NACC2: variants seen among roughly 807,000 people sequenced by gnomAD.
NACC2 encodes the protein NACC family member 2.
Under a neutral mutation model 25.1 loss-of-function variants are expected in NACC2, and 8 were observed. The observed-to-expected ratio is 0.32, with a 90% CI of 0.19 to 0.57. NACC2 has a LOEUF of 0.57. NACC2 is among the 20% of genes least tolerant of loss of function. The probability of loss-of-function intolerance (pLI) is 0.89; values close to 1 mark genes in which losing one functional copy is unlikely to be tolerated. For synonymous variants in NACC2, 435 were observed against 294.7 expected (o/e 1.48, Z -4.88); for missense variants, 644 against 650.2 (o/e 0.99, Z 0.10).
intron 1 of NACC2, among the ~76,000 whole-genome samples, chr9:136,062,699 G>A (rs1327391123): frequency 1.3e-5 from 2 of 152,204 alleles, no homozygotes; most frequent in Non-Finnish European, 2.9e-5. Flanking sequence ...TGGACTGCTT[G>A]AGCCCAGCAG....
chr9:136,077,034 G>C (rs1830270055), intron 1 of NACC2, among the ~76,000 whole-genome samples: 1 of 151,044 alleles, frequency 6.6e-6, no homozygotes, highest in African/African-American at 2.4e-5. Context: ...AAATAAAATA[G>C]CCGGGTGTGG....
chr9:136,007,078 CTTAG>C lies in NACC2; in HGVS notation c.*4434_*4437del, dbSNP rs1399944779. On this transcript the variant is annotated 3_prime_UTR_variant, in exon 6 of 6. Transcript: ENST00000277554. The stretch of plus-strand genomic sequence containing the variant: ...GTCAAAAATATTTATACATTTTATA[CTTAG>C]TTCTTTTTTTTGTCTGCTAAAAATA... 1.3e-5 allele frequency: 2 copies of C among 154,338 alleles called. No homozygotes were observed. Among genetic ancestry groups the C allele is most frequent in the African/African-American group, 4.8e-5 (2 of 41,522 alleles). 9.6% of individuals were successfully genotyped at this position (154,338 alleles called of 1,614,324 possible). A position where few individuals can be genotyped will look rare whatever the true frequency, so the allele number is the denominator to read the frequency against.
chr9:136,067,415 C>T (rs1841098161), intron 1 of NACC2, among the ~76,000 whole-genome samples: 3 of 152,146 alleles, frequency 2.0e-5, no homozygotes, highest in Admixed American at 2.0e-4. Context: ...GGTTGCATAA[C>T]TCTGAATACA....
chr9:136,025,712 G>A (rs1254679108), intron 2 of NACC2, among the ~76,000 whole-genome samples: 2 of 151,746 alleles, frequency 1.3e-5, no homozygotes, highest in Admixed American at 6.6e-5. Flanking sequence ...TTAGGAGTTC[G>A]AGACAGCCTG....
At chr9:136,079,422 G>A (rs1830298149) in intron 1 of NACC2, among the ~76,000 whole-genome samples, 1 of 152,206 alleles carries the variant, frequency 6.6e-6, no homozygotes. Context: ...GACTCCGGGG[G>A]CCCTGCAGGT....
intron 2 of NACC2, among the ~76,000 whole-genome samples, chr9:136,045,359 C>G (rs1246864538): frequency 1.0e-3 from 127 of 122,138 alleles, no homozygotes; most frequent in Non-Finnish European, 1.6e-3. Context: ...GTTACCGTCA[C>G]GGGCCCACGG....
intron 1 of NACC2, among the ~76,000 whole-genome samples, chr9:136,069,978 C>T (rs1564238357): frequency 6.6e-6 from 1 of 151,884 alleles, no homozygotes; most frequent in Non-Finnish European, 1.5e-5. Flanking sequence ...GAACTCTCCA[C>T]TCAACAACAG....
Position 136,050,167 on chromosome 9 carries a change from G to T in NACC2, c.355C>A (p.Leu119Ile). 1 of 770,430 alleles carries T rather than the reference G, an allele frequency of 1.3e-6. No individual in the cohort carries two copies. 47.7% of individuals were successfully genotyped at this position (770,430 alleles called of 1,614,324 possible). The part of the protein sequence containing the change: ...IQHIVERGTD[L>I]MFKVSSPHCD... Reference sequence around the variant, plus strand: ...TGGGGCGAGCTCACCTTGAACATGAGGTCGGTGCCGCGCTCCACGATGTGC... The same window carrying T: ...TGGGGCGAGCTCACCTTGAACATGATGTCGGTGCCGCGCTCCACGATGTGC... The change falls in exon 2 of 6, where the codon CTC becomes ATC. Residue 119 changes from leucine (L) to isoleucine (I), a missense_variant. Coordinates refer to ENST00000277554, the MANE Select transcript of NACC2 (RefSeq NM_144653.5).
At chr9:136,049,120 TGAAA>T in intron 2 of NACC2, among the ~76,000 whole-genome samples, 1 of 152,090 alleles carries the variant, frequency 6.6e-6, no homozygotes, top group East Asian at 1.9e-4. Context: ...CAGCCCTCCT[TGAAA>T]GAAAGGAACG....
rs1229032693 is a variant in NACC2 at position 136,049,740 on chromosome 9, G to A, written c.782C>T (p.Thr261Ile). ...ASSLPTTDSP[T>I]SYHNEEDEED... Reference sequence around the variant, plus strand: ...CTCGTCCTCCTCGTTGTGGTACGAGGTGGGGCTGTCGGTGGTGGGCAGGCT... The same window carrying A: ...CTCGTCCTCCTCGTTGTGGTACGAGATGGGGCTGTCGGTGGTGGGCAGGCT... The change falls in exon 2 of 6, where the codon ACC becomes ATC. Residue 261 changes from threonine to isoleucine, a missense_variant. By Grantham distance (89) the Thr-to-Ile change is moderately conservative. Transcript: ENST00000277554. 2 of 778,922 alleles carry A rather than the reference G, an allele frequency of 2.6e-6. No homozygotes were observed. Among genetic ancestry groups the A allele is most frequent in the Non-Finnish European group, 2.4e-6 (1 of 417,472 alleles). The allele number at this position is 778,922 out of a possible 1,614,324, so 48.3% of individuals were successfully genotyped here.
chr9:136,067,083 C>T (rs146696749), intron 1 of NACC2, among the ~76,000 whole-genome samples: 5,189 of 152,054 alleles, frequency 0.034, 297 homozygotes, highest in African/African-American at 0.12. Context: ...GTCGAAACCC[C>T]GTCTCTACTA....
intron 2 of NACC2, among the ~76,000 whole-genome samples, chr9:136,042,747 G>A (rs1464319722): frequency 3.5e-5 from 5 of 143,834 alleles, no homozygotes; most frequent in Admixed American, 1.4e-4. Flanking sequence ...CACAGACACA[G>A]AGACAGAGAC....
At chr9:136,062,166 AC>A (rs879745179) in intron 1 of NACC2, among the ~76,000 whole-genome samples, 5,384 of 145,262 alleles carry the variant, frequency 0.037, 138 homozygotes, top group Admixed American at 0.074. Context: ...ACAGGACAGG[AC>A]AGGACAGGAA....
intron 1 of NACC2, among the ~76,000 whole-genome samples, chr9:136,062,197 A>C (rs1841023436): frequency 6.6e-6 from 1 of 151,984 alleles, no homozygotes; most frequent in South Asian, 2.1e-4. Flanking sequence ...AGAGAAAAGA[A>C]AGAAAGAAAA....
intron 1 of NACC2, among the ~76,000 whole-genome samples, chr9:136,059,045 G>T (rs1418415206): frequency 6.6e-6 from 1 of 152,212 alleles, no homozygotes; most frequent in Non-Finnish European, 1.5e-5. Context: ...AAGGTGCTGG[G>T]TCAGGGGCAG....
intron 2 of NACC2, among the ~76,000 whole-genome samples, chr9:136,046,191 G>A (rs1355878327): frequency 6.6e-6 from 1 of 152,206 alleles, no homozygotes; most frequent in Non-Finnish European, 1.5e-5. Flanking sequence ...GGGGCGGGAA[G>A]GGATGGGGGT....
At chr9:136,049,171 C>A (rs1840775146) in intron 2 of NACC2, among the ~76,000 whole-genome samples, 1 of 152,238 alleles carries the variant, frequency 6.6e-6, no homozygotes, top group Admixed American at 6.5e-5. Flanking sequence ...CGGCTCAGCA[C>A]ACTGGGCGCT....
intron 1 of NACC2, among the ~76,000 whole-genome samples, chr9:136,059,028 T>C (rs556113144): frequency 2.0e-5 from 3 of 152,184 alleles, no homozygotes; most frequent in South Asian, 2.1e-4. Flanking sequence ...GTGGGGGCTG[T>C]AGAGGGAAGG....
chr9:136,026,417 C>T (rs937331311), intron 2 of NACC2, among the ~76,000 whole-genome samples: 16 of 147,430 alleles, frequency 1.1e-4, no homozygotes, highest in African/African-American at 4.0e-4. Context: ...ACATGGAACA[C>T]ATAGGACTTG....
Sources: gnomAD v4.1 joint callset for allele counts (sites outside exome capture counted in the v4.1 genomes callset) on GRCh38, gnomAD v4.1.1 for gene constraint, MANE v1.5 for transcripts, NCBI Gene and HGNC (gene_info 2026-07-23, HGNC 2026-07-21) for gene names.